Variants in RBFOX3 observed in about 807,000 individuals in gnomAD.
RBFOX3 encodes RNA binding fox-1 homolog 3.
A neutral mutation model predicts 48.7 loss-of-function variants in RBFOX3; 17 were observed. The observed-to-expected ratio is 0.35, with a 90% CI of 0.24 to 0.52. The LOEUF is 0.52. Ranked by LOEUF, RBFOX3 falls within the 20% of genes least tolerant of loss-of-function variation. The pLI, the probability that RBFOX3 is intolerant of heterozygous loss-of-function variation, is 0.94. For missense variants in RBFOX3, 382 were observed against 497.5 expected (o/e 0.77, Z 2.21); for synonymous variants, 212 against 209.5 (o/e 1.01, Z -0.10).
intron 2 of RBFOX3, among the ~76,000 whole-genome samples, chr17:79,336,602 C>T (rs1472625665): frequency 2.6e-5 from 4 of 152,062 alleles, no homozygotes; most frequent in Non-Finnish European, 4.4e-5. Flanking sequence ...TCCCTGGCCT[C>T]GTCCTCTCTC....
At chr17:79,215,525 C>G (rs917973177) in intron 4 of RBFOX3, among the ~76,000 whole-genome samples, 1 of 152,210 alleles carries the variant, frequency 6.6e-6, no homozygotes, top group African/African-American at 2.4e-5. Flanking sequence ...CTTTCCAGGG[C>G]ACTGCTGACC....
chr17:79,392,650 A>T lies in RBFOX3; in HGVS notation c.-174-84826T>A, dbSNP rs73425327. On this transcript the variant is annotated intron_variant, in intron 2 of 14. Transcript: ENST00000693108. This position sits in a 1 kb window ranked among gnomAD's most constrained non-coding sequence, Gnocchi z 5.0. ...TTGCAGAACCAACAGTGTGTGCAGT[A>T]CCACACCCTCTCTTCCCGATATCTG... Among the ~76,000 whole-genome samples, 1 of 152,078 alleles carries T rather than the reference A, an allele frequency of 6.6e-6. No homozygotes were observed. The highest frequency in any genetic ancestry group is 1.5e-5 in the Non-Finnish European group (1 of 68,028).
intron 4 of RBFOX3, among the ~76,000 whole-genome samples, chr17:79,165,876 T>C (rs966963406): frequency 5.3e-5 from 8 of 152,210 alleles, no homozygotes; most frequent in African/African-American, 1.9e-4. Flanking sequence ...CGCCCTGAGA[T>C]TGTGGGCATT....
intron 1 of RBFOX3, among the ~76,000 whole-genome samples, chr17:79,537,793 C>T (rs1555789137): frequency 6.6e-6 from 1 of 152,170 alleles, no homozygotes; most frequent in African/African-American, 2.4e-5. Flanking sequence ...TCCCTTTGTG[C>T]CCAGCTCTTG....
chr17:79,564,972 C>T (rs891316210), intron 1 of RBFOX3, among the ~76,000 whole-genome samples: 3 of 144,466 alleles, frequency 2.1e-5, no homozygotes, highest in Non-Finnish European at 4.5e-5. Flanking sequence ...ACCCGGGAGG[C>T]GGAGTTGCAG....
chr17:79,431,370 A>G (rs1156416837), intron 2 of RBFOX3, among the ~76,000 whole-genome samples: 1 of 152,114 alleles, frequency 6.6e-6, no homozygotes, highest in Non-Finnish European at 1.5e-5. Context: ...CTTGAGTGCA[A>G]CGATGCAATC....
At chr17:79,218,438 C>G (rs886404182) in intron 4 of RBFOX3, among the ~76,000 whole-genome samples, 1 of 152,152 alleles carries the variant, frequency 6.6e-6, no homozygotes, top group African/African-American at 2.4e-5. Context: ...TCCGTCCCAT[C>G]CCAAAATAGC....
intron 4 of RBFOX3, chr17:79,233,478 A>C (rs886981811): frequency 1.3e-5 from 2 of 152,298 alleles, no homozygotes; most frequent in South Asian, 2.1e-4. Flanking sequence ...AGCTTATCAA[A>C]TTGCATACTC....
intron 2 of RBFOX3, among the ~76,000 whole-genome samples, chr17:79,466,438 C>A (rs1287576571): frequency 6.6e-6 from 1 of 152,124 alleles, no homozygotes; most frequent in Non-Finnish European, 1.5e-5. Context: ...GAGGGCAGAA[C>A]CTCCCTCCTT....
chr17:79,220,077 G>A lies in RBFOX3; in HGVS notation c.-34+15689C>T, dbSNP rs1283364831. On this transcript the variant is annotated intron_variant, in intron 4 of 14. Coordinates refer to ENST00000693108, the MANE Select transcript of RBFOX3 (RefSeq NM_001350451.2). This position sits in a 1 kb window ranked among gnomAD's most constrained non-coding sequence, Gnocchi z 5.9. ...GGGAAGGGTGGCATGGCCTGGGAAG[G>A]CACGGGGTGGGGGGGTGGGGGGAGC... 3.4e-5 allele frequency among the ~76,000 whole-genome samples: 5 copies of A among 146,310 alleles called. No homozygotes were observed. The East Asian group carries it at 8.3e-4, about 24-fold the overall frequency.
Position 79,094,541 on chromosome 17 carries a change from C to CGTGGGAGGGGGA in RBFOX3, c.999-24_999-13dup, listed in dbSNP as rs2146212338. 2.5e-6 allele frequency: 1 copy of CGTGGGAGGGGGA among 404,164 alleles called. No homozygotes were observed. The highest frequency in any genetic ancestry group is 3.2e-6 in the Non-Finnish European group (1 of 316,040). The allele number at this position is 404,164 out of a possible 1,614,324, so 25.0% of individuals were successfully genotyped here. A position where few individuals can be genotyped will look rare whatever the true frequency, so the allele number is the denominator to read the frequency against. ...AGACTCTGCCGTAACTAGGGAAGAG[C>CGTGGGAGGGGGA]GTGGGAGGGGGAGTGGGAGGAGGGT... On this transcript the variant is annotated splice_polypyrimidine_tract_variant and intron_variant, in intron 13 of 14. Coordinates refer to ENST00000693108, the MANE Select transcript of RBFOX3 (RefSeq NM_001350451.2).
intron 1 of RBFOX3, among the ~76,000 whole-genome samples, chr17:79,503,933 C>G (rs932854973): frequency 6.6e-6 from 1 of 152,178 alleles, no homozygotes; most frequent in Admixed American, 6.5e-5. Context: ...TAGACTCCAG[C>G]GGAGCTTGTG....
intron 2 of RBFOX3, among the ~76,000 whole-genome samples, chr17:79,445,170 C>T (rs2071982890): frequency 6.6e-6 from 1 of 152,214 alleles, no homozygotes; most frequent in Non-Finnish European, 1.5e-5. Context: ...CATTGAGTTG[C>T]TTCCACATTT....
At chr17:79,434,293 A>C (rs143411475) in intron 2 of RBFOX3, among the ~76,000 whole-genome samples, 97 of 152,344 alleles carry the variant, frequency 6.4e-4, no homozygotes, top group Non-Finnish European at 1.2e-3. Flanking sequence ...TGGGGTCACA[A>C]ATAAATTTTA....
chr17:79,499,418 C>T (rs1170881872), intron 1 of RBFOX3, among the ~76,000 whole-genome samples: 1 of 152,008 alleles, frequency 6.6e-6, no homozygotes, highest in Non-Finnish European at 1.5e-5. Flanking sequence ...TGCATCCAAC[C>T]TTCCATCCAT....
At position 79,412,044 on chromosome 17, in the gene RBFOX3, TGTGA is replaced by T. The variant is rs372787843; in HGVS notation, c.-175+70406_-175+70409del. Among the ~76,000 whole-genome samples the T allele has an allele frequency of 5.5e-3, 843 of 152,166 alleles. 6 individuals are homozygous for T. The highest frequency in any genetic ancestry group is 0.044 in the Middle Eastern group (13 of 294). On this transcript the variant is annotated intron_variant, in intron 2 of 14. Transcript: ENST00000693108. ...GTTGTGTATATGTGTGTGTGGTGTA[TGTGA>T]GTGTGTGGTATGTGTGCGTGTAGAC...
intron 2 of RBFOX3, among the ~76,000 whole-genome samples, chr17:79,383,675 C>T (rs1047135397): frequency 6.6e-6 from 1 of 152,146 alleles, no homozygotes; most frequent in Non-Finnish European, 1.5e-5. Context: ...CAGGAAAGTA[C>T]TAGAACATGT....
chr17:79,524,295 C>T (rs989514272), intron 1 of RBFOX3, among the ~76,000 whole-genome samples: 3 of 152,156 alleles, frequency 2.0e-5, no homozygotes, highest in African/African-American at 7.2e-5. Context: ...TTCCCTGGAA[C>T]CAATATTTAC....
Position 79,252,011 on chromosome 17 carries a change from C to T in RBFOX3, c.-73-16206G>A, listed in dbSNP as rs907620130. ...TCACCTGGAGACCAGGTGGCCTGAG[C>T]CAGCCTTGTCTTTCTCCATCTCTCA... On this transcript the variant is annotated intron_variant, in intron 3 of 14. Coordinates refer to ENST00000693108, the MANE Select transcript of RBFOX3 (RefSeq NM_001350451.2). The surrounding 1 kb of genome is among the most constrained non-coding windows in gnomAD (Gnocchi z 4.0). Among the ~76,000 whole-genome samples, 12 of 152,312 alleles carry T rather than the reference C, an allele frequency of 7.9e-5. No individual in the cohort carries two copies. The highest frequency in any genetic ancestry group is 2.9e-4 in the African/African-American group (12 of 41,576).
Sources: gnomAD v4.1 joint callset for allele counts (sites outside exome capture counted in the v4.1 genomes callset) on GRCh38, gnomAD v4.1.1 for gene constraint, Gnocchi (gnomAD v3.1) non-coding constraint, MANE v1.5 for transcripts, NCBI Gene and HGNC (gene_info 2026-07-23, HGNC 2026-07-21) for gene names.